The following BRINP2 variants were observed in gnomAD, a reference collection of about 807,000 sequenced individuals.
BRINP2 encodes the protein BMP/retinoic acid-inducible neural-specific protein 2.
A neutral mutation model predicts 69.2 loss-of-function variants in BRINP2; 21 were observed. The observed-to-expected ratio is 0.30, with a 90% CI of 0.22 to 0.44. The LOEUF is 0.44. Ranked by LOEUF, BRINP2 falls within the 20% of genes least tolerant of loss-of-function variation. BRINP2 has a pLI of 1.00. For synonymous variants in BRINP2, 380 were observed against 394.1 expected, an observed-to-expected ratio of 0.96 and a Z score of 0.42; for missense variants, 877 against 986.0, an observed-to-expected ratio of 0.89 and a Z score of 1.48.
In BRINP2 at chr1:177,278,713, G is replaced by A. The variant is rs202229226; in HGVS notation, c.1163G>A (p.Arg388Gln). The A allele has an allele frequency of 5.8e-5, 94 of 1,614,050 alleles. No individual in the cohort carries two copies. The highest frequency in any genetic ancestry group is 4.0e-4 in the South Asian group (36 of 91,090). Residue 388 changes from arginine to glutamine, a missense_variant, in exon 7 of 8, where the codon CGG becomes CAG. Transcript: ENST00000361539. ...GLKVLFKKTH[R>Q]ILRRLFNLCK... Reference sequence around the variant, plus strand: ...AAAGTGCTGTTCAAAAAGACCCATCGGATCCTACGCCGGCTCTTCAACCTC... The same window carrying A: ...AAAGTGCTGTTCAAAAAGACCCATCAGATCCTACGCCGGCTCTTCAACCTC...
intron 4 of BRINP2, among the ~76,000 whole-genome samples, chr1:177,261,106 G>A (rs1650934455): frequency 6.6e-6 from 1 of 152,138 alleles, no homozygotes; most frequent in Non-Finnish European, 1.5e-5. Context: ...ACAGGTACAA[G>A]TGCCCTAAAG....
chr1:177,247,395 G>A (rs1002685669), intron 2 of BRINP2, among the ~76,000 whole-genome samples: 4 of 152,200 alleles, frequency 2.6e-5, no homozygotes, highest in Admixed American at 2.0e-4. Flanking sequence ...AATTTCCCAT[G>A]GGTCATTGGT....
intron 1 of BRINP2, among the ~76,000 whole-genome samples, chr1:177,228,710 A>C (rs559932134): frequency 6.6e-6 from 1 of 152,302 alleles, no homozygotes; most frequent in East Asian, 1.9e-4. Context: ...ATGTGCTAGG[A>C]ATTAAAGATT....
intron 1 of BRINP2, among the ~76,000 whole-genome samples, chr1:177,197,994 TAGAG>T (rs1459602583): frequency 6.6e-6 from 1 of 152,048 alleles, no homozygotes; most frequent in African/African-American, 2.4e-5. Flanking sequence ...CAATAACTAT[TAGAG>T]AGAAAAAGAT....
At position 177,211,031 on chromosome 1, in the gene BRINP2, T is replaced by C. The variant is rs527957805; in HGVS notation, c.-76-18770T>C. Among the ~76,000 whole-genome samples, 4 of 150,282 alleles carry C rather than the reference T, an allele frequency of 2.7e-5. No homozygotes were observed. The East Asian group carries it at 7.8e-4, about 29-fold the overall frequency. On this transcript the variant is annotated intron_variant, in intron 1 of 7. Coordinates refer to ENST00000361539, the MANE Select transcript of BRINP2 (RefSeq NM_021165.4). ...ATATTATGTACATGTATATATATGG[T>C]TTGCATTATATTTCTATTGCACCAC...
At chr1:177,250,317 C>CTTTG (rs3041985) in intron 2 of BRINP2, among the ~76,000 whole-genome samples, 79,568 of 150,708 alleles carry the variant, frequency 0.53, 21,525 homozygotes, top group Non-Finnish European at 0.6. Context: ...TGTGTGCATT[C>CTTTG]TTTGTTTGTT....
At chr1:177,254,293 G>A (rs1044242447) in intron 2 of BRINP2, among the ~76,000 whole-genome samples, 1 of 151,648 alleles carries the variant, frequency 6.6e-6, no homozygotes, top group Non-Finnish European at 1.5e-5. Flanking sequence ...ACTTTAATTT[G>A]AATAAAAGCA....
intron 1 of BRINP2, among the ~76,000 whole-genome samples, chr1:177,223,396 G>A (rs1181771405): frequency 1.3e-5 from 2 of 152,178 alleles, no homozygotes; most frequent in Non-Finnish European, 2.9e-5. Context: ...TAAGTCCTAT[G>A]TTTTGTTCCT....
chr1:177,226,966 AC>A (rs1649711615), intron 1 of BRINP2, among the ~76,000 whole-genome samples: 2 of 151,968 alleles, frequency 1.3e-5, no homozygotes, highest in Admixed American at 1.3e-4. Context: ...GGTCAGTTCC[AC>A]CCCGGGTATT....
At chr1:177,181,371 C>CA (rs2102289106) in intron 1 of BRINP2, among the ~76,000 whole-genome samples, 1 of 152,298 alleles carries the variant, frequency 6.6e-6, no homozygotes, top group East Asian at 1.9e-4. Flanking sequence ...AGCCCCAGCT[C>CA]AGGGAGGGCA....
Position 177,281,466 on chromosome 1 carries a change from A to G in BRINP2, c.2290A>G (p.Arg764Gly). The change falls in exon 8 of 8, where the codon AGG becomes GGG. Residue 764 changes from arginine to glycine, a missense_variant. Arg to Gly is a moderately radical substitution (Grantham distance 125). Coordinates refer to ENST00000361539, the MANE Select transcript of BRINP2 (RefSeq NM_021165.4). ...GGTGGGCAGGATCCAGTCCTCCCTGAGGGCTTTCAATTCTAAGCTGCCAAA... is the reference window on the plus strand; with the variant it reads ...GGTGGGCAGGATCCAGTCCTCCCTGGGGGCTTTCAATTCTAAGCTGCCAAA... Reference protein sequence around the residue: ...NEVGRIQSSLRAFNSKLPNPV... With the variant: ...NEVGRIQSSLGAFNSKLPNPV... The G allele has an allele frequency of 3.1e-6, 5 of 1,613,472 alleles. No individual in the cohort carries two copies. The highest frequency in any genetic ancestry group is 4.2e-6 in the Non-Finnish European group (5 of 1,179,994).
intron 1 of BRINP2, among the ~76,000 whole-genome samples, chr1:177,190,400 C>A (rs1290223241): frequency 6.6e-6 from 1 of 152,204 alleles, no homozygotes; most frequent in Non-Finnish European, 1.5e-5. Context: ...CTCTCTTCCA[C>A]ATATATTTCA....
At chr1:177,185,314 A>G (rs1392804465) in intron 1 of BRINP2, among the ~76,000 whole-genome samples, 2 of 152,168 alleles carry the variant, frequency 1.3e-5, no homozygotes, top group African/African-American at 2.4e-5. Flanking sequence ...TTTCCAATAT[A>G]TCTTGACCTT....
intron 4 of BRINP2, among the ~76,000 whole-genome samples, chr1:177,268,350 C>T (rs1275904733): frequency 6.6e-6 from 1 of 152,188 alleles, no homozygotes. Context: ...ACCTACCTTC[C>T]TCTACTCAGC....
At chr1:177,239,381 T>C (rs1023932679) in intron 2 of BRINP2, among the ~76,000 whole-genome samples, 2 of 152,266 alleles carry the variant, frequency 1.3e-5, no homozygotes, top group Non-Finnish European at 2.9e-5. Context: ...AAGGGTGCGA[T>C]GTAAATCGAA....
Position 177,229,951 on chromosome 1 carries a change from G to A in BRINP2, c.75G>A (p.Leu25=), listed in dbSNP as rs920899184. The A allele has an allele frequency of 5.6e-6, 9 of 1,613,364 alleles. No individual in the cohort carries two copies. The African/African-American group carries it at 9.3e-5, about 17-fold the overall frequency. Reference sequence around the variant, plus strand: ...CCCCATGGACAGCCCTGCTGGCACTGGGCCTGCCTGGCTGGGTGTTGGCTG... The same window carrying A: ...CCCCATGGACAGCCCTGCTGGCACTAGGCCTGCCTGGCTGGGTGTTGGCTG... The part of the protein sequence containing the change: ...AVAPWTALLA[L]GLPGWVLAVS... The change falls in exon 2 of 8, where the codon CTG becomes CTA. Residue 25 remains leucine (L), a synonymous_variant. Coordinates refer to ENST00000361539, the MANE Select transcript of BRINP2 (RefSeq NM_021165.4).
intron 2 of BRINP2, among the ~76,000 whole-genome samples, chr1:177,230,939 C>T (rs1649846748): frequency 6.6e-6 from 1 of 152,176 alleles, no homozygotes; most frequent in African/African-American, 2.4e-5. Flanking sequence ...CCCTGGGAGC[C>T]TTGCTGATTT....
At chr1:177,176,184 G>A (rs540377725) in intron 1 of BRINP2, among the ~76,000 whole-genome samples, 3 of 152,282 alleles carry the variant, frequency 2.0e-5, no homozygotes, top group Admixed American at 1.3e-4. Flanking sequence ...TGGAATTCTG[G>A]ATTGGGCAAA....
intron 4 of BRINP2, among the ~76,000 whole-genome samples, chr1:177,262,671 A>G (rs1189845591): frequency 1.3e-5 from 2 of 152,214 alleles, no homozygotes; most frequent in African/African-American, 4.8e-5. Flanking sequence ...ATGCAGCAGG[A>G]TATTAGTTGC....
Sources: gnomAD v4.1 joint callset for allele counts (sites outside exome capture counted in the v4.1 genomes callset) on GRCh38, gnomAD v4.1.1 for gene constraint, MANE v1.5 for transcripts, NCBI Gene and HGNC (gene_info 2026-07-23, HGNC 2026-07-21) for gene names.